Variants in NLGN1 observed in about 807,000 individuals in gnomAD.
NLGN1 encodes the protein neuroligin-1.
In NLGN1, 12 loss-of-function variants were observed where a neutral mutation model predicts 65.5. The observed-to-expected ratio is 0.18, with a 90% confidence interval of 0.12 to 0.30. The LOEUF (loss-of-function observed/expected upper bound fraction) is 0.30, where lower values mean the gene tolerates loss of function less well. Ranked by LOEUF, NLGN1 falls within the 10% of genes least tolerant of loss-of-function variation. The probability of loss-of-function intolerance (pLI) is 1.00; values close to 1 mark genes in which losing one functional copy is unlikely to be tolerated. For synonymous variants in NLGN1, 350 were observed against 359.5 expected (o/e 0.97, Z 0.30); for missense variants, 750 against 1,007.1 (o/e 0.74, Z 3.46).
At chr3:173,476,573 T>C (rs1726256374) in intron 2 of NLGN1, among the ~76,000 whole-genome samples, 1 of 152,124 alleles carries the variant, frequency 6.6e-6, no homozygotes. Flanking sequence ...AACTGTGTAA[T>C]GAGTAGATGT....
chr3:173,943,480 T>C (rs1746527236), intron 4 of NLGN1, among the ~76,000 whole-genome samples: 1 of 152,180 alleles, frequency 6.6e-6, no homozygotes, highest in Non-Finnish European at 1.5e-5. Flanking sequence ...TCAGCTTCAA[T>C]GAAAGTACAT....
intron 4 of NLGN1, among the ~76,000 whole-genome samples, chr3:174,229,732 A>G (rs1468330490): frequency 6.6e-6 from 1 of 152,234 alleles, no homozygotes; most frequent in Admixed American, 6.5e-5. Flanking sequence ...GCAAGAGGAC[A>G]TAACAAAATT....
intron 3 of NLGN1, among the ~76,000 whole-genome samples, chr3:173,713,275 G>A (rs1258480901): frequency 6.6e-6 from 1 of 152,096 alleles, no homozygotes. Context: ...AAACAAATGA[G>A]TAGTTTTTCA....
chr3:173,547,727 G>A (rs1740135042), intron 2 of NLGN1, among the ~76,000 whole-genome samples: 1 of 152,094 alleles, frequency 6.6e-6, no homozygotes, highest in African/African-American at 2.4e-5. Flanking sequence ...ACAGACAATG[G>A]ATTAGTGGTT....
intron 4 of NLGN1, among the ~76,000 whole-genome samples, chr3:173,969,666 G>A (rs911860813): frequency 6.6e-6 from 1 of 151,926 alleles, no homozygotes; most frequent in African/African-American, 2.4e-5. Context: ...ATGACTATCT[G>A]GAATGCCAAT....
intron 4 of NLGN1, among the ~76,000 whole-genome samples, chr3:173,849,554 T>C (rs1726484385): frequency 6.6e-6 from 1 of 152,164 alleles, no homozygotes; most frequent in Admixed American, 6.5e-5. Flanking sequence ...AAATCAGCGG[T>C]ATGCAAAATG....
intron 4 of NLGN1, among the ~76,000 whole-genome samples, chr3:173,955,747 T>C (rs906865654): frequency 1.3e-5 from 2 of 152,198 alleles, no homozygotes; most frequent in East Asian, 3.8e-4. Flanking sequence ...ATGAATGTAT[T>C]AGAAATTATC....
chr3:173,783,675 C>A (rs1299644862), intron 3 of NLGN1, among the ~76,000 whole-genome samples: 1 of 152,144 alleles, frequency 6.6e-6, no homozygotes, highest in East Asian at 1.9e-4. Flanking sequence ...AGTGCAGTGG[C>A]ACGATTTTGG....
intron 4 of NLGN1, among the ~76,000 whole-genome samples, chr3:174,083,183 A>G (rs1041479557): frequency 6.6e-6 from 1 of 152,220 alleles, no homozygotes; most frequent in Admixed American, 6.5e-5. Flanking sequence ...ATATGTTAAT[A>G]TAAAGCTATA....
At chr3:173,397,718 C>G (rs1412657585), upstream of NLGN1, 1 of 152,214 alleles carries the variant, frequency 6.6e-6, no homozygotes, top group Non-Finnish European at 1.5e-5. Flanking sequence ...AATTCGGAGT[C>G]CCGGCCTGTG....
intron 3 of NLGN1, among the ~76,000 whole-genome samples, chr3:173,621,749 G>T (rs1043490451): frequency 4.6e-5 from 7 of 152,032 alleles, no homozygotes; most frequent in African/African-American, 1.7e-4. Flanking sequence ...TGAACAAGGA[G>T]GCCTTGGCAA....
At chr3:173,987,810 G>T (rs553121970) in intron 4 of NLGN1, among the ~76,000 whole-genome samples, 1 of 152,066 alleles carries the variant, frequency 6.6e-6, no homozygotes, top group African/African-American at 2.4e-5. Flanking sequence ...ATTCTTTTTG[G>T]CATTTTTCGG....
intron 4 of NLGN1, among the ~76,000 whole-genome samples, chr3:174,057,297 G>T (rs2152512507): frequency 6.6e-6 from 1 of 152,144 alleles, no homozygotes; most frequent in South Asian, 2.1e-4. Context: ...ATAACTAGAT[G>T]TGTGAATGCT....
At chr3:173,916,816 C>A (rs769401487) in intron 4 of NLGN1, among the ~76,000 whole-genome samples, 3 of 152,092 alleles carry the variant, frequency 2.0e-5, no homozygotes, top group Non-Finnish European at 4.4e-5. Flanking sequence ...ATACTGAGAG[C>A]AAATCTAAAA....
At chr3:173,667,655 A>G (rs1392743940) in intron 3 of NLGN1, among the ~76,000 whole-genome samples, 2 of 152,164 alleles carry the variant, frequency 1.3e-5, no homozygotes, top group East Asian at 3.9e-4. Flanking sequence ...TTTGAGTTCA[A>G]GTCTCACTCT....
intron 4 of NLGN1, among the ~76,000 whole-genome samples, chr3:173,901,370 G>T (rs111443278): frequency 0.048 from 7,164 of 149,102 alleles, 410 homozygotes; most frequent in African/African-American, 0.12. Context: ...TTTTTGGGGG[G>T]GTGTGTGTGT....
At chr3:173,836,172 CATT>C (rs1723593053) in intron 4 of NLGN1, among the ~76,000 whole-genome samples, 1 of 152,078 alleles carries the variant, frequency 6.6e-6, no homozygotes, top group African/African-American at 2.4e-5. Flanking sequence ...AATATGAAGA[CATT>C]AGAATATTTT....
chr3:173,518,541 TGTGTGC>T (rs1043591370), intron 2 of NLGN1, among the ~76,000 whole-genome samples: 23 of 151,640 alleles, frequency 1.5e-4, no homozygotes, highest in Admixed American at 1.4e-3. Context: ...TGTGTGTGTG[TGTGTGC>T]ATGCATGTGT....
intron 4 of NLGN1, among the ~76,000 whole-genome samples, chr3:174,110,568 C>G (rs1714975054): frequency 6.6e-6 from 1 of 151,882 alleles, no homozygotes; most frequent in Non-Finnish European, 1.5e-5. Context: ...AAAGAGTTAA[C>G]TATTATGACA....
Sources: gnomAD v4.1 joint callset for allele counts (sites outside exome capture counted in the v4.1 genomes callset) on GRCh38, gnomAD v4.1.1 for gene constraint, MANE v1.5 for transcripts, NCBI Gene and HGNC (gene_info 2026-07-23, HGNC 2026-07-21) for gene names.